SORBS2: variants seen among roughly 807,000 people sequenced by gnomAD.
The protein encoded by SORBS2 is sorbin and SH3 domain-containing protein 2.
A neutral mutation model predicts 97.7 loss-of-function variants in SORBS2; 46 were observed. The observed-to-expected ratio is 0.47, with a 90% CI of 0.37 to 0.60. The LOEUF (loss-of-function observed/expected upper bound fraction) is 0.60. SORBS2 is among the 20% of genes least tolerant of loss of function. The pLI is 0.00. For synonymous variants in SORBS2, 476 were observed against 473.4 expected (o/e 1.01, Z -0.07); for missense variants, 1,316 against 1,282.3 (o/e 1.03, Z -0.40).
chr4:185,705,018 C>A (rs749312391), intron 2 of SORBS2, among the ~76,000 whole-genome samples: 2 of 152,142 alleles, frequency 1.3e-5, no homozygotes, highest in African/African-American at 2.4e-5. Flanking sequence ...GGCAGATAAA[C>A]GTGAGAGAAA....
At chr4:185,828,529 G>A (rs144020686) in intron 1 of SORBS2, among the ~76,000 whole-genome samples, 181 of 151,866 alleles carry the variant, frequency 1.2e-3, no homozygotes, top group Non-Finnish European at 2.0e-3. Flanking sequence ...AAGGCTCCTG[G>A]TCATTTCGTT....
chr4:185,721,517 G>C (rs1351846792), intron 2 of SORBS2, among the ~76,000 whole-genome samples: 1 of 152,136 alleles, frequency 6.6e-6, no homozygotes, highest in Admixed American at 6.5e-5. Flanking sequence ...GCTTCTGCAG[G>C]CAAACTTCCT....
chr4:185,646,801 T>C lies in SORBS2; in HGVS notation c.282-19A>G. 7.4e-7 allele frequency: 1 copy of C among 1,358,302 alleles called. No homozygotes were observed. The highest frequency in any genetic ancestry group is 1.1e-6 in the Non-Finnish European group (1 of 946,630). 84.1% of individuals were successfully genotyped at this position (1,358,302 alleles called of 1,614,324 possible). On this transcript the variant is annotated intron_variant, in intron 3 of 14. Transcript: ENST00000418609. ...GTCATGCCTAGAAATAAACAATAAA[T>C]CACACATTAAAATAATCCTTTTTGC...
chr4:185,738,298 T>C (rs2098701098), intron 2 of SORBS2, among the ~76,000 whole-genome samples: 1 of 152,210 alleles, frequency 6.6e-6, no homozygotes, highest in African/African-American at 2.4e-5. Flanking sequence ...TGTGTTTCAT[T>C]TTTGTGCAGA....
chr4:185,642,627 A>G (rs144119949), intron 4 of SORBS2, among the ~76,000 whole-genome samples: 102 of 152,328 alleles, frequency 6.7e-4, no homozygotes, highest in African/African-American at 2.3e-3. Context: ...ATTAATTAAC[A>G]TTTCTAAATT....
intron 2 of SORBS2, among the ~76,000 whole-genome samples, chr4:185,705,650 T>C (rs1304907677): frequency 6.7e-6 from 1 of 149,994 alleles, no homozygotes; most frequent in Non-Finnish European, 1.5e-5. Context: ...TTCACTGCTA[T>C]ACACTCAGCC....
intron 1 of SORBS2, among the ~76,000 whole-genome samples, chr4:185,827,967 A>G (rs1178127271): frequency 5.6e-5 from 2 of 35,700 alleles, no homozygotes; most frequent in African/African-American, 9.0e-5. Flanking sequence ...CACCATCATC[A>G]TCATCTCATC....
At chr4:185,898,813 C>T (rs1330044038) in intron 1 of SORBS2, among the ~76,000 whole-genome samples, 1 of 152,116 alleles carries the variant, frequency 6.6e-6, no homozygotes, top group Non-Finnish European at 1.5e-5. Flanking sequence ...GAGGCCAAGG[C>T]ATGGTGAGAT....
At chr4:185,671,001 G>A (rs1026414535) in intron 4 of SORBS2, among the ~76,000 whole-genome samples, 13 of 152,140 alleles carry the variant, frequency 8.5e-5, no homozygotes, top group African/African-American at 2.7e-4. Flanking sequence ...TTGAAGTAAC[G>A]ACAGAGCAGA....
At chr4:185,955,889 A>T (rs1454123758) in intron 1 of SORBS2, among the ~76,000 whole-genome samples, 1 of 151,526 alleles carries the variant, frequency 6.6e-6, no homozygotes, top group Non-Finnish European at 1.5e-5. Context: ...CTCCTTAGTT[A>T]TAAAGGTAGC....
intron 1 of SORBS2, among the ~76,000 whole-genome samples, chr4:185,846,610 G>C (rs1382303131): frequency 3.3e-5 from 5 of 152,190 alleles, no homozygotes; most frequent in African/African-American, 1.2e-4. Context: ...CTAACCAAAA[G>C]GGCTTTGGCA....
intron 7 of SORBS2, among the ~76,000 whole-genome samples, chr4:185,620,456 T>C (rs2096702503): frequency 6.6e-6 from 1 of 152,220 alleles, no homozygotes; most frequent in African/African-American, 2.4e-5. Flanking sequence ...AGAGGGATTT[T>C]TCATATAAAT....
rs112680775 is a variant in SORBS2 at position 185,868,159 on chromosome 4, CTT to C, written c.-338+88035_-338+88036del. On this transcript the variant is annotated intron_variant, in intron 1 of 20. Transcript: ENST00000284776. ...TCTCTTTTCTTTTCTTTTTTTCTTT[CTT>C]TTTTTTTTTTTTTGAGGCAGAGTCT... is the stretch of plus-strand genomic sequence containing the variant. Among the ~76,000 whole-genome samples, 24 of 105,212 alleles carry C rather than the reference CTT, an allele frequency of 2.3e-4. 2 individuals carry two copies. Among genetic ancestry groups the C allele is most frequent in the Non-Finnish European group, 2.9e-4 (16 of 55,848 alleles). The allele number at this position is 105,212 out of a possible 152,430, so 69.0% of individuals were successfully genotyped here.
intron 12 of SORBS2, among the ~76,000 whole-genome samples, chr4:185,601,701 T>A (rs1192152284): frequency 6.6e-6 from 1 of 151,458 alleles, no homozygotes; most frequent in East Asian, 2.0e-4. Context: ...AGAAAAAAAA[T>A]AACCCCATTT....
intron 1 of SORBS2, among the ~76,000 whole-genome samples, chr4:185,842,148 A>G (rs749654782): frequency 4.6e-5 from 7 of 152,256 alleles, no homozygotes; most frequent in Non-Finnish European, 7.3e-5. Context: ...GAATAAAATG[A>G]CAGAAGACCA....
At chr4:185,775,520 C>A (rs1053437245) in intron 1 of SORBS2, 154 bp from the exon 2 acceptor site, 5 of 152,172 alleles carry the variant, frequency 3.3e-5, no homozygotes, top group Non-Finnish European at 5.9e-5. Flanking sequence ...GCCCAGATCG[C>A]CACCCCCCAC....
At chr4:185,624,630 C>T in intron 6 of SORBS2, 136 bp from the exon 19 acceptor site, 2 of 905,008 alleles carry the variant, frequency 2.2e-6, no homozygotes, top group Admixed American at 2.9e-5. Context: ...AATCTAGGTG[C>T]TGATTGTTCA....
chr4:185,737,868 T>C (rs1205795074), intron 2 of SORBS2, among the ~76,000 whole-genome samples: 2 of 152,132 alleles, frequency 1.3e-5, no homozygotes, highest in African/African-American at 4.8e-5. Context: ...CTTTCCACCC[T>C]CCGCTCAGCT....
At chr4:185,747,944 C>T (rs910107398) in intron 2 of SORBS2, among the ~76,000 whole-genome samples, 5 of 151,928 alleles carry the variant, frequency 3.3e-5, no homozygotes, top group African/African-American at 9.7e-5. Context: ...TGAGCTGAGA[C>T]CGTAACACTG....
Sources: gnomAD v4.1 joint callset for allele counts (sites outside exome capture counted in the v4.1 genomes callset) on GRCh38, gnomAD v4.1.1 for gene constraint, MANE v1.5 for transcripts, NCBI Gene and HGNC (gene_info 2026-07-23, HGNC 2026-07-21) for gene names.